FOXP2: variants seen among roughly 807,000 people sequenced by gnomAD.
FOXP2 encodes the protein forkhead box protein P2.
Under a neutral mutation model 115.8 loss-of-function variants are expected in FOXP2, and 12 were observed. That is an observed-to-expected ratio of 0.10 (90% confidence interval 0.07 to 0.17). The LOEUF is 0.17. FOXP2 is among the 10% of genes least tolerant of loss of function. The pLI, the probability that FOXP2 is intolerant of heterozygous loss-of-function variation, is 1.00. For missense variants in FOXP2, 629 were observed against 843.5 expected (o/e 0.75, Z 3.15); for synonymous variants, 328 against 297.7 (o/e 1.10, Z -1.05).
chr7:114,237,462 C>A (rs1002632501), intron 1 of FOXP2, among the ~76,000 whole-genome samples: 2 of 152,110 alleles, frequency 1.3e-5, no homozygotes, highest in African/African-American at 4.8e-5. Flanking sequence ...CAAGTAATTG[C>A]CATGCATTGT....
chr7:114,565,326 A>G (rs1048389491), intron 3 of FOXP2, among the ~76,000 whole-genome samples: 2 of 152,190 alleles, frequency 1.3e-5, no homozygotes, highest in African/African-American at 4.8e-5. Context: ...TATAGCTCAT[A>G]GTAGGTACTG....
chr7:114,675,478 A>G (rs922494821), intron 16 of FOXP2, among the ~76,000 whole-genome samples: 2 of 152,204 alleles, frequency 1.3e-5, no homozygotes, highest in East Asian at 1.9e-4. Context: ...AATTCATTTT[A>G]TATCTTGAAA....
chr7:114,352,512 A>G (rs1791518256), intron 2 of FOXP2, among the ~76,000 whole-genome samples: 2 of 152,124 alleles, frequency 1.3e-5, no homozygotes, highest in South Asian at 4.1e-4. Flanking sequence ...CTCTTACAGA[A>G]CTCCTAGAAA....
intron 2 of FOXP2, among the ~76,000 whole-genome samples, chr7:114,511,225 G>A (rs796743026): frequency 1.3e-5 from 2 of 152,208 alleles, no homozygotes; most frequent in African/African-American, 2.4e-5. Flanking sequence ...GGCTAGGGGA[G>A]GGATAGCATT....
intron 1 of FOXP2, among the ~76,000 whole-genome samples, chr7:114,255,168 G>A (rs926881968): frequency 2.7e-5 from 4 of 148,224 alleles, no homozygotes; most frequent in African/African-American, 1.0e-4. Context: ...GTCTCAGAGG[G>A]GTACCTGGCC....
At chr7:114,670,420 T>C (rs887461249) in intron 16 of FOXP2, among the ~76,000 whole-genome samples, 2 of 152,056 alleles carry the variant, frequency 1.3e-5, no homozygotes, top group African/African-American at 2.4e-5. Flanking sequence ...CTATTCAACA[T>C]GCTCCAGAAC....
At chr7:114,112,922 GTCTTC>G (rs1228397210) in intron 1 of FOXP2, among the ~76,000 whole-genome samples, 3 of 152,112 alleles carry the variant, frequency 2.0e-5, no homozygotes, top group African/African-American at 7.2e-5. Flanking sequence ...TCATCCGGTT[GTCTTC>G]ATAAAGAGTG....
At chr7:114,228,372 C>T (rs1584560680) in intron 1 of FOXP2, among the ~76,000 whole-genome samples, 1 of 151,930 alleles carries the variant, frequency 6.6e-6, no homozygotes, top group African/African-American at 2.4e-5. Flanking sequence ...ATTAGCTTTT[C>T]ATGTATCTTT....
intron 3 of FOXP2, among the ~76,000 whole-genome samples, chr7:114,606,903 T>G (rs1803361964): frequency 6.6e-6 from 1 of 152,220 alleles, no homozygotes; most frequent in South Asian, 2.1e-4. Flanking sequence ...TGGGATTTTT[T>G]GTACTGTTGC....
At chr7:114,289,456 T>C (rs983237064) in intron 2 of FOXP2, among the ~76,000 whole-genome samples, 4 of 151,884 alleles carry the variant, frequency 2.6e-5, no homozygotes, top group African/African-American at 9.6e-5. Flanking sequence ...ATTATTTGTA[T>C]GTTTGCCATA....
intron 6 of FOXP2, among the ~76,000 whole-genome samples, chr7:114,637,748 A>G (rs1167003994): frequency 6.6e-6 from 1 of 152,148 alleles, no homozygotes; most frequent in Non-Finnish European, 1.5e-5. Context: ...TAACAATAGG[A>G]AAATGGGGTG....
At chr7:114,510,799 G>A (rs1453015312) in intron 2 of FOXP2, among the ~76,000 whole-genome samples, 8 of 152,224 alleles carry the variant, frequency 5.3e-5, no homozygotes, top group Admixed American at 1.3e-4. Context: ...ACAGTGTGGC[G>A]ATTCCCCAAA....
At chr7:114,430,715 A>G (rs1050215632) in intron 2 of FOXP2, among the ~76,000 whole-genome samples, 2 of 151,836 alleles carry the variant, frequency 1.3e-5, no homozygotes, top group Non-Finnish European at 2.9e-5. Flanking sequence ...GATCTGTACT[A>G]TTTTGAACCA....
chr7:114,237,760 G>T (rs1165877125), intron 1 of FOXP2, among the ~76,000 whole-genome samples: 1 of 151,946 alleles, frequency 6.6e-6, no homozygotes, highest in Non-Finnish European at 1.5e-5. Context: ...GATTACTTGA[G>T]GCCAAGAGTT....
intron 2 of FOXP2, among the ~76,000 whole-genome samples, chr7:114,444,176 T>A (rs912062484): frequency 6.6e-6 from 1 of 152,190 alleles, no homozygotes; most frequent in Non-Finnish European, 1.5e-5. Flanking sequence ...GTGATCACTG[T>A]ATGTATAATA....
chr7:114,166,389 C>G (rs1792981003), intron 1 of FOXP2, among the ~76,000 whole-genome samples: 1 of 152,014 alleles, frequency 6.6e-6, no homozygotes, highest in South Asian at 2.1e-4. Context: ...AAATATACTA[C>G]AAAGAACTCT....
intron 1 of FOXP2, among the ~76,000 whole-genome samples, chr7:114,421,508 T>A (rs924606763): frequency 6.6e-6 from 1 of 151,608 alleles, no homozygotes; most frequent in Non-Finnish European, 1.5e-5. Context: ...TTTACTAAAG[T>A]GTTTTTTTTT....
chr7:114,555,790 G>C (rs1800426451), intron 3 of FOXP2, among the ~76,000 whole-genome samples: 1 of 152,004 alleles, frequency 6.6e-6, no homozygotes, highest in Non-Finnish European at 1.5e-5. Context: ...GAGCAAGACT[G>C]TCTCAAAAAC....
At chr7:114,201,927 G>A (rs1032899951) in intron 1 of FOXP2, among the ~76,000 whole-genome samples, 3 of 152,202 alleles carry the variant, frequency 2.0e-5, no homozygotes, top group African/African-American at 7.2e-5. Context: ...TTTATGTCAG[G>A]GAACTTGGTC....
Sources: allele counts gnomAD v4.1 joint callset (sites outside exome capture counted in the v4.1 genomes callset), GRCh38; gene constraint gnomAD v4.1.1; transcripts MANE v1.5; gene names NCBI Gene and HGNC (gene_info 2026-07-23, HGNC 2026-07-21).